Variants in COL15A1 observed in about 807,000 individuals in gnomAD.
COL15A1 encodes collagen alpha-1(XV) chain.
COL15A1 carries 111 observed loss-of-function variants against 165.9 expected under a neutral mutation model. That is an observed-to-expected ratio of 0.67 (90% confidence interval 0.57 to 0.78). The LOEUF (loss-of-function observed/expected upper bound fraction) is 0.78, where lower values mean the gene tolerates loss of function less well. COL15A1 is among the 30% of genes least tolerant of loss of function. The pLI is 0.00. For synonymous variants in COL15A1, 659 were observed against 674.8 expected (o/e 0.98, Z 0.36); for missense variants, 1,745 against 1,789.7 (o/e 0.98, Z 0.45).
chr9:98,957,511 T>C (rs1284708750), intron 2 of COL15A1, among the ~76,000 whole-genome samples: 1 of 152,186 alleles, frequency 6.6e-6, no homozygotes, highest in Non-Finnish European at 1.5e-5. Context: ...CTCCTTAGTG[T>C]GGCATTTGAG....
chr9:99,000,977 A>G (rs1162504762), intron 7 of COL15A1, 26 bp downstream of exon 7: 1 of 1,022,080 alleles, frequency 9.8e-7, no homozygotes, highest in African/African-American at 1.6e-5. Flanking sequence ...ATTTCATTTG[A>G]TTAGTCAGTA....
Position 99,066,865 on chromosome 9 carries a change from TG to T in COL15A1, c.3652-16del. On this transcript the variant is annotated splice_polypyrimidine_tract_variant and intron_variant, in intron 39 of 41. Coordinates refer to ENST00000375001, the MANE Select transcript of COL15A1 (RefSeq NM_001855.5). Reference sequence around the variant, plus strand: ...GCCTTTGATTCTGACTGCTCTCTTTTGTCTCACATTTTTCAGCTGCATTTGG... The same window carrying T: ...GCCTTTGATTCTGACTGCTCTCTTTTTCTCACATTTTTCAGCTGCATTTGG... The T allele has an allele frequency of 6.2e-7, 1 of 1,606,406 alleles. No homozygotes were observed. Among genetic ancestry groups the T allele is most frequent in the African/African-American group, 1.3e-5 (1 of 74,836 alleles).
At chr9:99,034,303 T>G (rs1014488667) in intron 16 of COL15A1, among the ~76,000 whole-genome samples, 6 of 152,224 alleles carry the variant, frequency 3.9e-5, no homozygotes, top group African/African-American at 1.4e-4. Context: ...TTAACTTCTC[T>G]GGTTTACTCT....
intron 16 of COL15A1, 120 bp downstream of exon 16, chr9:99,026,086 C>T: frequency 1.1e-6 from 1 of 873,368 alleles, no homozygotes; most frequent in Non-Finnish European, 1.7e-6. Context: ...CTGAAATCCC[C>T]TGCTGGCCAC....
chr9:99,044,841 G>T (rs1839469580), intron 26 of COL15A1, 71 bp downstream of exon 26: 1 of 1,388,878 alleles, frequency 7.2e-7, no homozygotes, highest in East Asian at 2.3e-5. Context: ...GATTTGGTTA[G>T]ATTTAGTTGT....
chr9:98,970,363 G>A (rs113934374), intron 2 of COL15A1, among the ~76,000 whole-genome samples: 38 of 152,338 alleles, frequency 2.5e-4, no homozygotes, highest in African/African-American at 8.4e-4. Context: ...TAATTCTAGG[G>A]AGAAGGTTTT....
chr9:99,046,085 G>A (rs1839487145), intron 26 of COL15A1, among the ~76,000 whole-genome samples: 1 of 152,194 alleles, frequency 6.6e-6, no homozygotes, highest in East Asian at 1.9e-4. Context: ...CAATACTGTG[G>A]AAAATACAAA....
intron 3 of COL15A1, 111 bp from the exon 4 acceptor site, chr9:98,987,183 A>G: frequency 1.2e-5 from 13 of 1,042,812 alleles, no homozygotes; most frequent in Non-Finnish European, 1.9e-5. Flanking sequence ...GTACATCCTC[A>G]TTCCCACGCT....
rs183319789 is a variant in COL15A1 at position 99,038,565 on chromosome 9, G to A, written c.2410-103G>A. 2.2e-3 allele frequency: 1,598 copies of A among 738,996 alleles called. 4 individuals are homozygous for A. The highest frequency in any genetic ancestry group is 6.6e-3 in the Middle Eastern group (28 of 4,228). The allele number at this position is 738,996 out of a possible 1,614,324, so 45.8% of individuals were successfully genotyped here. A position where few individuals can be genotyped will look rare whatever the true frequency, so the allele number is the denominator to read the frequency against. On this transcript the variant is annotated intron_variant, in intron 21 of 41. Transcript: ENST00000375001. ...GCTGAGGGCGTTCTCAGTGTCTGCG[G>A]TGTTCCGCTATGCTGGGTGACTTTA...
intron 2 of COL15A1, among the ~76,000 whole-genome samples, chr9:98,969,004 C>T (rs1838000559): frequency 6.6e-6 from 1 of 152,232 alleles, no homozygotes; most frequent in Non-Finnish European, 1.5e-5. Context: ...AGACTCCTGT[C>T]TGGAGCCCTT....
rs775236685 is a variant in COL15A1, at chr9:99,036,325, A to G, written c.2338A>G (p.Met780Val). ...GDRGPKGERG[M>V]DGASIVGPPG... is the part of the protein sequence containing the mutation. ...CTGCTTTGACCAGGGAGAAAGGGGG[A>G]TGGATGGAGCCAGTATTGTGGGACC... Residue 780 changes from methionine to valine, a missense_variant, in exon 21 of 42, where the codon ATG becomes GTG. Transcript: ENST00000375001. The G allele has an allele frequency of 1.2e-6, 2 of 1,613,986 alleles. No homozygotes were observed. Among genetic ancestry groups the G allele is most frequent in the Non-Finnish European group, 1.7e-6 (2 of 1,179,990 alleles).
At chr9:99,002,160 TCTCCC>T (rs1486851709) in intron 7 of COL15A1, among the ~76,000 whole-genome samples, 1 of 100,436 alleles carries the variant, frequency 1.0e-5, no homozygotes, top group African/African-American at 4.2e-5. Flanking sequence ...TCTCCTCTCC[TCTCCC>T]CTTTTCTCCC....
chr9:98,959,241 A>AAAC (rs1554683062), intron 2 of COL15A1, among the ~76,000 whole-genome samples: 4 of 151,482 alleles, frequency 2.6e-5, no homozygotes, highest in Non-Finnish European at 4.4e-5. Flanking sequence ...AAAAAAAAAA[A>AAAC]AAAAAACTAA....
intron 2 of COL15A1, among the ~76,000 whole-genome samples, chr9:98,950,341 A>G (rs761827039): frequency 2.0e-5 from 3 of 152,172 alleles, no homozygotes; most frequent in Non-Finnish European, 4.4e-5. Context: ...ATCATCGCCA[A>G]TGCTTGTTTT....
chr9:98,980,066 G>T (rs1838210909), intron 2 of COL15A1, among the ~76,000 whole-genome samples: 1 of 151,998 alleles, frequency 6.6e-6, no homozygotes, highest in Admixed American at 6.5e-5. Context: ...GCTGAGAGGT[G>T]GAAGGGTCAT....
intron 2 of COL15A1, among the ~76,000 whole-genome samples, chr9:98,970,383 G>A (rs539059597): frequency 1.3e-5 from 2 of 152,328 alleles, no homozygotes; most frequent in Admixed American, 6.5e-5. Flanking sequence ...TACTGACAAC[G>A]AGGAAAGGAG....
In COL15A1 at chr9:99,000,714, T is replaced by G. The variant is rs532028500; in HGVS notation, c.953-125T>G. ...GTATGTTGTTCTGCAACTTGTTTTT[T>G]CCCCCTCTTGACCCTGTGTCATGGT... On this transcript the variant is annotated intron_variant, in intron 6 of 41. Transcript: ENST00000375001. 6.1e-6 allele frequency: 4 copies of G among 652,086 alleles called. No individual in the cohort carries two copies. In the East Asian group the frequency reaches 1.2e-4, roughly 19 times the overall value. 40.4% of individuals were successfully genotyped at this position (652,086 alleles called of 1,614,324 possible). A position where few individuals can be genotyped will look rare whatever the true frequency, so the allele number is the denominator to read the frequency against.
intron 2 of COL15A1, among the ~76,000 whole-genome samples, chr9:98,983,378 G>A (rs967446762): frequency 3.3e-5 from 5 of 152,066 alleles, no homozygotes; most frequent in African/African-American, 9.7e-5. Context: ...CCGCAACCCC[G>A]GTACAGACTC....
At position 99,049,723 on chromosome 9, in the gene COL15A1, C is replaced by T. The variant is rs138584256; in HGVS notation, c.2827C>T (p.Pro943Ser). 6.2e-7 allele frequency: 1 copy of T among 1,614,026 alleles called. No homozygotes were observed. The highest frequency in any genetic ancestry group is 8.5e-7 in the Non-Finnish European group (1 of 1,180,036). ...PPGLPGPPGP[P>S]GPPGAVINIK... ...TGGCTTACCTGGCCCTCCAGGCCCC[C>T]CTGGGCCACCTGGAGCTGTGATTAA... The change falls in exon 29 of 42, where the codon CCT (proline) becomes TCT (serine). Residue 943 changes from proline to serine, a missense_variant. Coordinates refer to ENST00000375001, the MANE Select transcript of COL15A1 (RefSeq NM_001855.5).
Sources: allele counts gnomAD v4.1 joint callset (sites outside exome capture counted in the v4.1 genomes callset), GRCh38; gene constraint gnomAD v4.1.1; transcripts MANE v1.5; gene names NCBI Gene and HGNC (gene_info 2026-07-23, HGNC 2026-07-21).